Variants in NR3C2 observed in about 807,000 individuals in gnomAD.
NR3C2 encodes mineralocorticoid receptor.
Under a neutral mutation model 86.4 loss-of-function variants are expected in NR3C2, and 15 were observed. That is an observed-to-expected ratio of 0.17 (90% CI 0.12 to 0.27). The LOEUF is 0.27. NR3C2 is among the 10% of genes least tolerant of loss of function. The pLI is 1.00. For missense variants in NR3C2, 960 were observed against 1,195.6 expected (o/e 0.80, Z 2.91); for synonymous variants, 458 against 450.5 (o/e 1.02, Z -0.21).
chr4:148,149,936 G>A (rs1734031268), intron 6 of NR3C2, among the ~76,000 whole-genome samples: 2 of 152,176 alleles, frequency 1.3e-5, no homozygotes, highest in African/African-American at 4.8e-5. Context: ...TAGAACCCTT[G>A]TACATTGCTG....
chr4:148,279,391 C>T (rs759579383), intron 2 of NR3C2, among the ~76,000 whole-genome samples: 1 of 152,166 alleles, frequency 6.6e-6, no homozygotes, highest in Non-Finnish European at 1.5e-5. Context: ...TGAAGGCAAG[C>T]TTTAATTCCT....
chr4:148,259,850 G>T, intron 3 of NR3C2, 128 bp downstream of exon 3: 1 of 1,233,060 alleles, frequency 8.1e-7, no homozygotes, highest in Non-Finnish European at 1.2e-6. Context: ...CACTATTACT[G>T]TTTATCACTG....
intron 2 of NR3C2, among the ~76,000 whole-genome samples, chr4:148,343,794 AAAG>A (rs1292905439): frequency 6.6e-6 from 1 of 152,102 alleles, no homozygotes; most frequent in Non-Finnish European, 1.5e-5. Flanking sequence ...TGCAAAGGAG[AAAG>A]AAGGTGTAAT....
intron 6 of NR3C2, among the ~76,000 whole-genome samples, chr4:148,123,508 C>T (rs1732608657): frequency 6.6e-6 from 1 of 152,250 alleles, no homozygotes; most frequent in South Asian, 2.1e-4. Flanking sequence ...CCTGTTCTTA[C>T]ACCCCCTCCC....
At chr4:148,318,419 T>A (rs535648542) in intron 2 of NR3C2, among the ~76,000 whole-genome samples, 2 of 150,050 alleles carry the variant, frequency 1.3e-5, no homozygotes, top group South Asian at 4.3e-4. Context: ...TCAAATGGTA[T>A]TTCCAGTTCT....
At position 148,122,972 on chromosome 4, in the gene NR3C2, C is replaced by T. The variant is rs186762255; in HGVS notation, c.2511-2684G>A. 1.1e-4 allele frequency among the ~76,000 whole-genome samples: 16 copies of T among 152,074 alleles called. No homozygotes were observed. The East Asian group carries it at 1.9e-3, about 18-fold the overall frequency. ...CAAAAGGTCTGACTGCCTGCGGCGT[C>T]GGGCAAAAAAAGCCATATTTTTCTT... On this transcript the variant is annotated intron_variant, in intron 6 of 8. Coordinates refer to ENST00000358102, the MANE Select transcript of NR3C2 (RefSeq NM_000901.5).
chr4:148,380,518 C>A (rs1746918498), intron 2 of NR3C2, among the ~76,000 whole-genome samples: 1 of 152,168 alleles, frequency 6.6e-6, no homozygotes, highest in Non-Finnish European at 1.5e-5. Flanking sequence ...TGAGGAACTG[C>A]CAGACTATTA....
At chr4:148,295,416 C>A (rs999446302) in intron 2 of NR3C2, among the ~76,000 whole-genome samples, 3 of 151,678 alleles carry the variant, frequency 2.0e-5, no homozygotes, top group Admixed American at 2.0e-4. Context: ...ATATCCAACT[C>A]CCCGCATCCA....
At chr4:148,277,536 CA>C (rs1055765406) in intron 2 of NR3C2, among the ~76,000 whole-genome samples, 6 of 152,074 alleles carry the variant, frequency 3.9e-5, no homozygotes, top group Admixed American at 2.6e-4. Flanking sequence ...AGCAACACAG[CA>C]AGACCCCATC....
At chr4:148,398,274 G>A (rs955589189) in intron 2 of NR3C2, among the ~76,000 whole-genome samples, 5 of 152,144 alleles carry the variant, frequency 3.3e-5, no homozygotes, top group African/African-American at 1.2e-4. Flanking sequence ...CCCACTACAG[G>A]TGTTGCTCAC....
chr4:148,121,528 A>G lies in NR3C2; in HGVS notation c.2511-1240T>C, dbSNP rs377416221. 8.5e-5 allele frequency among the ~76,000 whole-genome samples: 13 copies of G among 152,330 alleles called. No individual in the cohort carries two copies. In the South Asian group the frequency reaches 1.7e-3, roughly 19 times the overall value. On this transcript the variant is annotated intron_variant, in intron 6 of 8. Coordinates refer to ENST00000358102, the MANE Select transcript of NR3C2 (RefSeq NM_000901.5). ...ACTATTTTTGCAATATGTGCACCGG[A>G]TTTTTAAAAATTAAAAATGGCAGAG...
chr4:148,393,160 C>G (rs1244049541), intron 2 of NR3C2, among the ~76,000 whole-genome samples: 1 of 152,186 alleles, frequency 6.6e-6, no homozygotes, highest in Non-Finnish European at 1.5e-5. Context: ...TCATCACATG[C>G]TTTCCTCACA....
At chr4:148,419,206 T>C (rs947758169) in intron 2 of NR3C2, among the ~76,000 whole-genome samples, 1 of 151,934 alleles carries the variant, frequency 6.6e-6, no homozygotes, top group Non-Finnish European at 1.5e-5. Context: ...ACAACTCAAA[T>C]TGCATTTTCA....
At chr4:148,403,733 T>C (rs574639071) in intron 2 of NR3C2, among the ~76,000 whole-genome samples, 2 of 152,238 alleles carry the variant, frequency 1.3e-5, no homozygotes, top group East Asian at 3.9e-4. Flanking sequence ...TAAGTACCAG[T>C]GTAGAAGTTC....
chr4:148,167,809 C>T (rs1339083954), intron 4 of NR3C2, among the ~76,000 whole-genome samples: 2 of 152,196 alleles, frequency 1.3e-5, no homozygotes, highest in Non-Finnish European at 2.9e-5. Flanking sequence ...TGTTGGGTTT[C>T]ACCCCAAACC....
At chr4:148,391,573 A>G (rs1747564281) in intron 2 of NR3C2, among the ~76,000 whole-genome samples, 1 of 152,204 alleles carries the variant, frequency 6.6e-6, no homozygotes, top group African/African-American at 2.4e-5. Context: ...TAGTATTTAA[A>G]TAAAAGATCA....
chr4:148,299,618 G>A (rs942644431), intron 2 of NR3C2, among the ~76,000 whole-genome samples: 3 of 152,148 alleles, frequency 2.0e-5, no homozygotes, highest in Non-Finnish European at 4.4e-5. Flanking sequence ...TCCCCTCCCC[G>A]GGCCAAGGAG....
At chr4:148,114,784 T>C (rs1017487223) in intron 7 of NR3C2, among the ~76,000 whole-genome samples, 12 of 152,320 alleles carry the variant, frequency 7.9e-5, no homozygotes, top group Admixed American at 2.6e-4. Context: ...ACAATCTAGG[T>C]TGGGGCTAGA....
At chr4:148,250,948 C>CT (rs1319945756) in intron 3 of NR3C2, among the ~76,000 whole-genome samples, 9 of 151,688 alleles carry the variant, frequency 5.9e-5, no homozygotes, top group Middle Eastern at 3.4e-3. Context: ...TTTTCTTTTT[C>CT]TTTTTTTTGG....
Sources: allele counts gnomAD v4.1 joint callset (sites outside exome capture counted in the v4.1 genomes callset), GRCh38; gene constraint gnomAD v4.1.1; transcripts MANE v1.5; gene names NCBI Gene and HGNC (gene_info 2026-07-23, HGNC 2026-07-21).